The following LY96 variants were observed in gnomAD, a reference collection of about 807,000 sequenced individuals.
LY96 encodes the protein myeloid differentiation protein-2.
Under a neutral mutation model 18.9 loss-of-function variants are expected in LY96, and 18 were observed. The observed-to-expected ratio is 0.95, with a 90% CI of 0.66 to 1.41. LY96 has a LOEUF of 1.41. LY96 is among the 40% of genes most tolerant of loss of function. The pLI is 0.00. For synonymous variants in LY96, 66 were observed against 62.6 expected (o/e 1.06, Z -0.26); for missense variants, 175 against 182.4 (o/e 0.96, Z 0.23).
At chr8:74,095,093 C>G in the LY96 span, among the ~76,000 whole-genome samples, 1 of 152,172 alleles carries the variant, frequency 6.6e-6, no homozygotes, top group East Asian at 1.9e-4. Context: ...AGCCAAAAAT[C>G]CATTGTTGGA....
intron 4 of LY96, among the ~76,000 whole-genome samples, chr8:74,027,086 C>T (rs1246077567): frequency 6.6e-6 from 1 of 151,948 alleles, no homozygotes; most frequent in Non-Finnish European, 1.5e-5. Flanking sequence ...ACTACATGTC[C>T]ATGCCACAAT....
At chr8:74,035,980 G>A in the LY96 span, among the ~76,000 whole-genome samples, 11 of 152,144 alleles carry the variant, frequency 7.2e-5, no homozygotes, top group Non-Finnish European at 1.6e-4. Flanking sequence ...ATTACCTAGG[G>A]CACATGTCAT....
At chr8:74,024,161 A>G (rs1421794113) in intron 3 of LY96, among the ~76,000 whole-genome samples, 1 of 152,198 alleles carries the variant, frequency 6.6e-6, no homozygotes, top group African/African-American at 2.4e-5. Context: ...GCTAGGTGCC[A>G]GATATCCAAA....
At chr8:74,048,799 GA>G in the LY96 span, 2 of 96,486 alleles carry the variant, frequency 2.1e-5, no homozygotes, top group Non-Finnish European at 4.0e-5. Flanking sequence ...GAAGGAAGGA[GA>G]AAAAGAAAAA....
chr8:74,081,436 T>C, the LY96 span, among the ~76,000 whole-genome samples: 1 of 151,796 alleles, frequency 6.6e-6, no homozygotes, highest in East Asian at 1.9e-4. Context: ...AAAATTTTTT[T>C]TTTTTTGGAG....
the LY96 span, among the ~76,000 whole-genome samples, chr8:74,046,359 G>A: frequency 5.1e-3 from 783 of 152,220 alleles, 8 homozygotes; most frequent in African/African-American, 0.014. Flanking sequence ...CAACAACTTC[G>A]CAGTCAACAT....
At chr8:74,091,028 T>C in the LY96 span, among the ~76,000 whole-genome samples, 1 of 152,220 alleles carries the variant, frequency 6.6e-6, no homozygotes, top group African/African-American at 2.4e-5. Context: ...TTGGCTGCTA[T>C]TTGTAAAAAG....
At chr8:74,002,698 A>G (rs988510101) in intron 1 of LY96, among the ~76,000 whole-genome samples, 1 of 151,818 alleles carries the variant, frequency 6.6e-6, no homozygotes, top group Non-Finnish European at 1.5e-5. Flanking sequence ...CAGCCTCCCA[A>G]GTAGCTAGGA....
chr8:74,017,123 C>T (rs1017861599), intron 3 of LY96, among the ~76,000 whole-genome samples: 2 of 152,132 alleles, frequency 1.3e-5, no homozygotes, highest in South Asian at 2.1e-4. Flanking sequence ...GGAGGATGTT[C>T]GAACCCATCG....
chr8:74,011,175 T>G (rs1318060601), intron 3 of LY96, among the ~76,000 whole-genome samples: 1 of 152,132 alleles, frequency 6.6e-6, no homozygotes, highest in Non-Finnish European at 1.5e-5. Context: ...AAAACTGGAT[T>G]GCCATATGCA....
intron 3 of LY96, among the ~76,000 whole-genome samples, chr8:74,023,372 C>T (rs565672214): frequency 6.6e-6 from 1 of 152,340 alleles, no homozygotes; most frequent in Non-Finnish European, 1.5e-5. Context: ...CCCTGCCCCA[C>T]CCCGAAACAG....
chr8:74,029,345 A>T (rs1169989143), downstream of LY96, among the ~76,000 whole-genome samples: 1 of 152,148 alleles, frequency 6.6e-6, no homozygotes, highest in East Asian at 1.9e-4. Context: ...AGTAATTGAT[A>T]TGGTTTGGCT....
intron 1 of LY96, among the ~76,000 whole-genome samples, chr8:73,999,996 C>T (rs1454612757): frequency 6.6e-6 from 1 of 152,130 alleles, no homozygotes; most frequent in African/African-American, 2.4e-5. Context: ...ATGGACATCA[C>T]TGCCTTGTTC....
chr8:74,016,916 C>T (rs1162526763), intron 3 of LY96, among the ~76,000 whole-genome samples: 1 of 152,154 alleles, frequency 6.6e-6, no homozygotes, highest in African/African-American at 2.4e-5. Context: ...TCATCAAAGA[C>T]CAAAGGTAGG....
At chr8:73,996,317 TTTCC>T (rs58734426) in intron 1 of LY96, among the ~76,000 whole-genome samples, 28,753 of 116,016 alleles carry the variant, frequency 0.25, 4,338 homozygotes, top group Admixed American at 0.35. Context: ...ACCTGTTTCT[TTTCC>T]TTCCTTCCTT....
intron 1 of LY96, among the ~76,000 whole-genome samples, chr8:73,999,060 T>A (rs1254847888): frequency 6.6e-6 from 1 of 151,916 alleles, no homozygotes; most frequent in East Asian, 1.9e-4. Flanking sequence ...AGCCTCCACC[T>A]CCTGGGCTAA....
At chr8:74,095,325 C>T in the LY96 span, among the ~76,000 whole-genome samples, 9 of 152,168 alleles carry the variant, frequency 5.9e-5, no homozygotes, top group Non-Finnish European at 2.9e-5. Flanking sequence ...AAGCCTTTTC[C>T]TACACGCACA....
At chr8:74,080,990 CTTTCTTT>C in the LY96 span, among the ~76,000 whole-genome samples, 2 of 78,926 alleles carry the variant, frequency 2.5e-5, no homozygotes, top group East Asian at 6.5e-4. Flanking sequence ...CTCTCTCTTT[CTTTCTTT>C]CTTTCTTTCT....
chr8:74,071,215 A>G, the LY96 span, among the ~76,000 whole-genome samples: 1 of 151,964 alleles, frequency 6.6e-6, no homozygotes, highest in Non-Finnish European at 1.5e-5. Flanking sequence ...CGTGGCAGGA[A>G]GTACCTTAAG....
Sources: allele counts gnomAD v4.1 joint callset (sites outside exome capture counted in the v4.1 genomes callset), GRCh38; gene constraint gnomAD v4.1.1; transcripts MANE v1.5; gene names NCBI Gene and HGNC (gene_info 2026-07-23, HGNC 2026-07-21).